The following SKIC3 variants were observed in gnomAD, a reference collection of about 807,000 sequenced individuals.
SKIC3 encodes SKI3 subunit of superkiller complex, also known as superkiller complex protein 3.
At chr5:95,506,828 A>G in the SKIC3 span, 1 of 1,136,334 alleles carries the variant, frequency 8.8e-7, no homozygotes, top group Non-Finnish European at 1.3e-6. Context: ...TATGTATCCT[A>G]CATGTACCAG....
chr5:95,512,544 C>T, the SKIC3 span: 3 of 1,614,038 alleles, frequency 1.9e-6, no homozygotes, highest in Non-Finnish European at 2.5e-6. Flanking sequence ...TGTACTGGTA[C>T]AGCTCTGTTT....
chr5:95,471,172 A>C, the SKIC3 span, among the ~76,000 whole-genome samples: 1 of 152,230 alleles, frequency 6.6e-6, no homozygotes, highest in East Asian at 1.9e-4. Flanking sequence ...CTTTGGGTAC[A>C]TCTGACAAAG....
At chr5:95,517,860 G>A in the SKIC3 span, among the ~76,000 whole-genome samples, 1 of 152,082 alleles carries the variant, frequency 6.6e-6, no homozygotes. Flanking sequence ...TGTCATGAGG[G>A]CTCTGCCTCC....
the SKIC3 span, among the ~76,000 whole-genome samples, chr5:95,472,055 T>G: frequency 6.6e-6 from 1 of 152,322 alleles, no homozygotes; most frequent in African/African-American, 2.4e-5. Context: ...AAATGTATTC[T>G]ATTCTTCTCA....
the SKIC3 span, chr5:95,516,465 T>C: frequency 6.2e-7 from 1 of 1,612,434 alleles, no homozygotes; most frequent in Non-Finnish European, 8.5e-7. Flanking sequence ...GTTGAAAGTC[T>C]CAGAAAATTA....
chr5:95,546,964 T>C, the SKIC3 span: 1 of 1,258,588 alleles, frequency 7.9e-7, no homozygotes, highest in East Asian at 2.3e-5. Context: ...CTTACCACTT[T>C]TGCTGTTTGG....
the SKIC3 span, chr5:95,520,799 A>G: frequency 1.6e-4 from 250 of 1,612,130 alleles, no homozygotes; most frequent in East Asian, 3.8e-4. Flanking sequence ...TTGCCATCAT[A>G]AGATGGCATT....
the SKIC3 span, among the ~76,000 whole-genome samples, chr5:95,534,709 C>A: frequency 2.0e-5 from 3 of 152,210 alleles, no homozygotes; most frequent in South Asian, 6.2e-4. Context: ...TACTCCCTTT[C>A]TCTTTTTCAT....
chr5:95,513,990 C>A, the SKIC3 span, among the ~76,000 whole-genome samples: 1 of 152,118 alleles, frequency 6.6e-6, no homozygotes, highest in Admixed American at 6.5e-5. Flanking sequence ...TCTTGGACTC[C>A]CTGGGTTCAA....
At chr5:95,470,123 G>A in the SKIC3 span, among the ~76,000 whole-genome samples, 4 of 151,752 alleles carry the variant, frequency 2.6e-5, no homozygotes, top group Non-Finnish European at 5.9e-5. Flanking sequence ...GACTACAGGC[G>A]CCCGCCACCA....
At chr5:95,510,029 C>T in the SKIC3 span, among the ~76,000 whole-genome samples, 1 of 151,952 alleles carries the variant, frequency 6.6e-6, no homozygotes, top group Admixed American at 6.6e-5. Context: ...TTAAGCCTTC[C>T]TGTGATTAAA....
At chr5:95,491,521 C>T in the SKIC3 span, among the ~76,000 whole-genome samples, 1 of 152,314 alleles carries the variant, frequency 6.6e-6, no homozygotes, top group East Asian at 1.9e-4. Flanking sequence ...AGAAAAGTCA[C>T]TTCATCATTC....
chr5:95,480,204 T>C, the SKIC3 span, among the ~76,000 whole-genome samples: 1 of 151,730 alleles, frequency 6.6e-6, no homozygotes, highest in South Asian at 2.1e-4. Context: ...AAATAGAATA[T>C]CCCAATAAAG....
the SKIC3 span, chr5:95,529,005 A>C: frequency 6.2e-7 from 1 of 1,613,568 alleles, no homozygotes; most frequent in Non-Finnish European, 8.5e-7. Flanking sequence ...AAATACCTTG[A>C]CTGCATGAAA....
At chr5:95,515,036 C>A in the SKIC3 span, 1 of 1,037,308 alleles carries the variant, frequency 9.6e-7, no homozygotes. Context: ...TATGTATGAA[C>A]ATAAAATTTC....
the SKIC3 span, among the ~76,000 whole-genome samples, chr5:95,509,376 A>C: frequency 3.3e-5 from 5 of 152,202 alleles, no homozygotes; most frequent in Non-Finnish European, 5.9e-5. Context: ...ACCTCTCAGC[A>C]AAGCGAGAGG....
At chr5:95,524,563 C>T in the SKIC3 span, 24 of 1,613,512 alleles carry the variant, frequency 1.5e-5, no homozygotes, top group Admixed American at 6.7e-5. Context: ...TCTGCAACTT[C>T]GGTATCTTTC....
At chr5:95,468,548 T>C in the SKIC3 span, among the ~76,000 whole-genome samples, 2 of 152,174 alleles carry the variant, frequency 1.3e-5, no homozygotes, top group African/African-American at 2.4e-5. Context: ...GTTCTAATTT[T>C]TTCTTTCCTA....
chr5:95,523,584 T>A, the SKIC3 span: 1 of 1,499,346 alleles, frequency 6.7e-7, no homozygotes, highest in Non-Finnish European at 9.1e-7. Context: ...CAAGTATACA[T>A]ATATAAAAAT....
Sources: allele counts gnomAD v4.1 joint callset (sites outside exome capture counted in the v4.1 genomes callset), GRCh38; gene constraint gnomAD v4.1.1; transcripts MANE v1.5; gene names NCBI Gene and HGNC (gene_info 2026-07-23, HGNC 2026-07-21).